SOX5: variants seen among roughly 807,000 people sequenced by gnomAD.
SOX5 encodes the protein SRY-box transcription factor 5.
Under a neutral mutation model 92.0 loss-of-function variants are expected in SOX5, and 9 were observed. The observed-to-expected ratio is 0.10, with a 90% CI of 0.06 to 0.17. The LOEUF (loss-of-function observed/expected upper bound fraction) is 0.17, where lower values mean the gene tolerates loss of function less well. Among genes scored for constraint, SOX5 ranks in the 10% least tolerant of loss-of-function variants. The pLI is 1.00. For missense variants in SOX5, 642 were observed against 944.5 expected (o/e 0.68, Z 4.20); for synonymous variants, 344 against 336.3 (o/e 1.02, Z -0.25).
At chr12:24,562,031 G>T (rs1954410786) in intron 1 of SOX5, among the ~76,000 whole-genome samples, 1 of 152,254 alleles carries the variant, frequency 6.6e-6, no homozygotes, top group African/African-American at 2.4e-5. Context: ...CCCGTCTCCG[G>T]GTCGGGGTCC....
intron 10 of SOX5, among the ~76,000 whole-genome samples, chr12:23,567,549 C>A (rs1234045419): frequency 4.2e-5 from 6 of 141,574 alleles, no homozygotes; most frequent in African/African-American, 1.3e-4. Context: ...CAACCTTGAA[C>A]TTCTGGGCTC....
chr12:24,097,931 CCTCA>C (rs1452396733), intron 4 of SOX5, among the ~76,000 whole-genome samples: 1 of 152,050 alleles, frequency 6.6e-6, no homozygotes. Context: ...ACTTAATTAT[CCTCA>C]CTGTTACAAT....
chr12:24,020,394 T>C (rs1370193676), intron 4 of SOX5, among the ~76,000 whole-genome samples: 1 of 152,042 alleles, frequency 6.6e-6, no homozygotes, highest in African/African-American at 2.4e-5. Flanking sequence ...CTCTCCCAGC[T>C]CAGAATTAAC....
At chr12:23,773,046 TTATTC>T (rs1319835066) in intron 3 of SOX5, among the ~76,000 whole-genome samples, 1 of 152,174 alleles carries the variant, frequency 6.6e-6, no homozygotes, top group Non-Finnish European at 1.5e-5. Context: ...AGGAGAAACA[TTATTC>T]TAATAAAGGA....
At chr12:23,717,074 A>T (rs1164257021) in intron 6 of SOX5, among the ~76,000 whole-genome samples, 1 of 152,144 alleles carries the variant, frequency 6.6e-6, no homozygotes, top group East Asian at 1.9e-4. Context: ...GGTAGCTACC[A>T]TTACAGACTC....
intron 11 of SOX5, among the ~76,000 whole-genome samples, chr12:23,548,644 T>A (rs886712176): frequency 6.6e-6 from 1 of 151,534 alleles, no homozygotes; most frequent in Non-Finnish European, 1.5e-5. Context: ...CGTTGCCACA[T>A]TTTTTTTAAA....
At position 23,536,572 on chromosome 12, in the gene SOX5, A is replaced by G. The variant is rs916499741; in HGVS notation, c.1869T>C (p.Tyr623=). 1.2e-6 allele frequency: 2 copies of G among 1,614,180 alleles called. No individual in the cohort carries two copies. The highest frequency in any genetic ancestry group is 2.2e-5 in the East Asian group (1 of 44,882). The change falls in exon 14 of 15, where the codon TAT becomes TAC. Residue 623 remains tyrosine, a synonymous_variant. Coordinates refer to ENST00000451604, the MANE Select transcript of SOX5 (RefSeq NM_006940.6). ...SKQHLEKYPD[Y]KYKPRPKRTC... ...TGCGCTTTGGCCTGGGCTTGTACTT[A>G]TAGTCAGGGTACTTCTCCAGGTGCT... is the stretch of plus-strand genomic sequence containing the variant.
chr12:23,804,879 G>T (rs2095731756), intron 3 of SOX5, among the ~76,000 whole-genome samples: 1 of 125,136 alleles, frequency 8.0e-6, no homozygotes, highest in East Asian at 2.3e-4. Flanking sequence ...ATTATTTCCT[G>T]ATATTTAACA....
intron 3 of SOX5, among the ~76,000 whole-genome samples, chr12:23,789,459 T>A (rs1364685532): frequency 6.6e-6 from 1 of 152,134 alleles, no homozygotes; most frequent in Non-Finnish European, 1.5e-5. Context: ...TTTTATTCTA[T>A]CTGCCTCTGG....
At chr12:23,680,720 A>C (rs1343028539) in intron 6 of SOX5, among the ~76,000 whole-genome samples, 4 of 152,144 alleles carry the variant, frequency 2.6e-5, no homozygotes, top group Non-Finnish European at 4.4e-5. Context: ...ATAAAACTAA[A>C]GACTATGAAA....
At chr12:23,557,891 G>A (rs1945469851) in intron 11 of SOX5, among the ~76,000 whole-genome samples, 1 of 150,744 alleles carries the variant, frequency 6.6e-6, no homozygotes, top group South Asian at 2.1e-4. Context: ...CAGAGGAATC[G>A]CTTGAACCCT....
intron 4 of SOX5, among the ~76,000 whole-genome samples, chr12:24,039,041 A>G (rs1013757995): frequency 6.6e-6 from 1 of 152,210 alleles, no homozygotes; most frequent in Non-Finnish European, 1.5e-5. Context: ...AGGATATCCA[A>G]TAATAATTTT....
intron 11 of SOX5, among the ~76,000 whole-genome samples, chr12:23,554,397 T>C (rs1021235300): frequency 6.6e-6 from 1 of 152,042 alleles, no homozygotes; most frequent in Non-Finnish European, 1.5e-5. Context: ...ACATGACCAA[T>C]GCTGGGGCAC....
chr12:23,962,411 T>A (rs1947053503), intron 4 of SOX5, among the ~76,000 whole-genome samples: 1 of 152,104 alleles, frequency 6.6e-6, no homozygotes. Context: ...AAGCAAATGT[T>A]TCATTCCTTT....
At chr12:24,516,530 G>A (rs1359171490) in intron 1 of SOX5, among the ~76,000 whole-genome samples, 1 of 152,188 alleles carries the variant, frequency 6.6e-6, no homozygotes. Context: ...CAGCTCTCCT[G>A]AAGTTCCTGC....
intron 2 of SOX5, among the ~76,000 whole-genome samples, chr12:24,297,051 C>T (rs185014803): frequency 1.7e-4 from 26 of 152,182 alleles, no homozygotes; most frequent in Non-Finnish European, 8.8e-5. Context: ...TTGTATTTGA[C>T]AGTCAGAGAC....
At chr12:24,377,764 A>G (rs969400161) in intron 1 of SOX5, among the ~76,000 whole-genome samples, 1 of 152,224 alleles carries the variant, frequency 6.6e-6, no homozygotes, top group Non-Finnish European at 1.5e-5. Context: ...CTGAGAAACA[A>G]TAATACCTAC....
intron 4 of SOX5, among the ~76,000 whole-genome samples, chr12:24,095,128 C>CACAGAGAGAGAGAGAGAGAGAG (rs1345578614): frequency 1.1e-5 from 1 of 90,214 alleles, no homozygotes. Context: ...CACACACACA[C>CACAGAGAGAGAGAGAGAGAGAG]AGAGAGAGAG....
chr12:24,423,897 C>T (rs571841626), intron 1 of SOX5, among the ~76,000 whole-genome samples: 48 of 152,276 alleles, frequency 3.2e-4, no homozygotes, highest in African/African-American at 9.6e-4. Flanking sequence ...CTGGACACTG[C>T]GCAGCAATGA....
Sources: allele counts gnomAD v4.1 joint callset (sites outside exome capture counted in the v4.1 genomes callset), GRCh38; gene constraint gnomAD v4.1.1; transcripts MANE v1.5; gene names NCBI Gene and HGNC (gene_info 2026-07-23, HGNC 2026-07-21).